The following NPC1 variants were observed in gnomAD, a reference collection of about 807,000 sequenced individuals.
NPC1 encodes NPC intracellular cholesterol transporter 1, also known as Niemann-Pick C1 protein.
A neutral mutation model predicts 140.4 loss-of-function variants in NPC1; 85 were observed. That is an observed-to-expected ratio of 0.61 (90% CI 0.51 to 0.72). The LOEUF (loss-of-function observed/expected upper bound fraction) is 0.72, where lower values mean the gene tolerates loss of function less well. Among genes scored for constraint, NPC1 ranks in the 30% least tolerant of loss-of-function variants. NPC1 has a pLI of 0.00. For synonymous variants in NPC1, 656 were observed against 624.8 expected (o/e 1.05, Z -0.74); for missense variants, 1,504 against 1,623.8 (o/e 0.93, Z 1.27).
At chr18:23,514,841 A>G (rs2057957507) in intron 3 of NPC1, among the ~76,000 whole-genome samples, 1 of 152,208 alleles carries the variant, frequency 6.6e-6, no homozygotes, top group Non-Finnish European at 1.5e-5. Context: ...TAAGAAGCTT[A>G]CGGCTCCTGC....
At position 23,536,782 on chromosome 18, in the gene NPC1, G is replaced by T. The variant is rs1446718670; in HGVS notation, c.3136C>A (p.Gln1046Lys). The T allele has an allele frequency of 6.2e-7, 1 of 1,614,196 alleles. No individual in the cohort carries two copies. Among genetic ancestry groups the T allele is most frequent in the Non-Finnish European group, 8.5e-7 (1 of 1,180,018 alleles). Residue 1046 changes from glutamine to lysine, a missense_variant, in exon 21 of 25, where the codon CAG becomes AAG. Physicochemically the swap from Gln to Lys is moderately conservative, Grantham distance 53. Coordinates refer to ENST00000269228, the MANE Select transcript of NPC1 (RefSeq NM_000271.5). The part of the protein sequence containing the change: ...TYFMTYHTVL[Q>K]TSADFIDALK... ...GCGTCAATAAAGTCAGCAGAGGTCT[G>T]CAGCACGGTGTGGTAGGTCATGAAG...
chr18:23,544,947 C>G lies in NPC1; in HGVS notation c.1947+13G>C, dbSNP rs568769965. ...TTAACCTCTAGAACATACACCACCC[C>G]CCCCCGGCTTACCAGAAGCCTGCGA... On this transcript the variant is annotated intron_variant, in intron 12 of 24. Transcript: ENST00000269228. 82 of 1,359,482 alleles carry G rather than the reference C, an allele frequency of 6.0e-5. 7 individuals carry two copies. The Admixed American group carries it at 7.3e-4, about 12-fold the overall frequency. 84.2% of individuals were successfully genotyped at this position (1,359,482 alleles called of 1,614,324 possible).
intron 16 of NPC1, 40 bp from the exon 17 acceptor site, chr18:23,540,577 T>A: frequency 7.4e-7 from 1 of 1,343,862 alleles, no homozygotes. Context: ...GACTGCTTAG[T>A]AAATAAGCTT....
In NPC1 at chr18:23,535,890, A is replaced by C. The variant is rs151243029; in HGVS notation, c.3246-190T>G. Among the ~76,000 whole-genome samples the C allele has an allele frequency of 0.012, 1,780 of 152,278 alleles. 38 individuals carry two copies. Among genetic ancestry groups the C allele is most frequent in the African/African-American group, 0.041 (1,700 of 41,566 alleles). ...CTCATGGCCACTGACCACCCAGAGA[A>C]GGGCCCAGCAGTGATGCAAAATGTA... On this transcript the variant is annotated intron_variant, in intron 21 of 24. Coordinates refer to ENST00000269228, the MANE Select transcript of NPC1 (RefSeq NM_000271.5).
chr18:23,550,002 T>C (rs2058845557), intron 10 of NPC1, among the ~76,000 whole-genome samples: 1 of 151,782 alleles, frequency 6.6e-6, no homozygotes, highest in Non-Finnish European at 1.5e-5. Context: ...CTGCCATGCA[T>C]ACTAATATTT....
At chr18:23,566,984 T>G (rs545697708) in intron 4 of NPC1, among the ~76,000 whole-genome samples, 1 of 152,354 alleles carries the variant, frequency 6.6e-6, no homozygotes, top group East Asian at 1.9e-4. Context: ...GGTTCATCCA[T>G]GTACTTTCAT....
At chr18:23,532,707 T>TAC (rs2058552949) in intron 24 of NPC1, among the ~76,000 whole-genome samples, 1 of 151,242 alleles carries the variant, frequency 6.6e-6, no homozygotes, top group African/African-American at 2.4e-5. Context: ...TTTTTTTTTT[T>TAC]TTTTTCTTAA....
In NPC1 at chr18:23,535,590, C is replaced by T. The variant is rs2058617380; in HGVS notation, c.3356G>A (p.Cys1119Tyr). The part of the protein sequence containing the change: ...IFLVTMVLLG[C>Y]ELWSAVIMCA... ...CATGATGACTGCAGACCAGAGCTCACAGCCCAGGAGGACCATGGTCACCAG... is the reference window on the plus strand; with the variant it reads ...CATGATGACTGCAGACCAGAGCTCATAGCCCAGGAGGACCATGGTCACCAG... Residue 1119 changes from cysteine to tyrosine, a missense_variant, in exon 22 of 25, where the codon TGT (cysteine) becomes TAT (tyrosine). Cys to Tyr is a radical substitution (Grantham distance 194). Transcript: ENST00000269228. 1.2e-6 allele frequency: 2 copies of T among 1,614,124 alleles called. No homozygotes were observed. The highest frequency in any genetic ancestry group is 1.1e-5 in the South Asian group (1 of 91,076).
chr18:23,527,669 G>A, downstream of NPC1: 4 of 654,948 alleles, frequency 6.1e-6, no homozygotes, highest in Non-Finnish European at 1.1e-5. Flanking sequence ...TTAAAGTAGA[G>A]TGTCCTTTAA....
chr18:23,555,072 G>T, intron 8 of NPC1, 88 bp from the exon 9 acceptor site: 1 of 847,654 alleles, frequency 1.2e-6, no homozygotes, highest in Non-Finnish European at 2.0e-6. Context: ...CTGAGGGTCA[G>T]AAGACAAAGA....
At chr18:23,568,277 C>T (rs1392616655) in intron 4 of NPC1, among the ~76,000 whole-genome samples, 1 of 151,998 alleles carries the variant, frequency 6.6e-6, no homozygotes, top group Non-Finnish European at 1.5e-5. Context: ...TTCCTAAGTG[C>T]CTTATTTTTT....
Position 23,532,058 on chromosome 18 carries a change from C to A in NPC1, c.*144G>T. On this transcript the variant is annotated 3_prime_UTR_variant, in exon 25 of 25. Coordinates refer to ENST00000269228, the MANE Select transcript of NPC1 (RefSeq NM_000271.5). ...AGTCAACTGTGCATTCCTGAGTTCA[C>A]AGGCGCTACGTTCAAAGCTGCTGCC... 1.3e-6 allele frequency: 2 copies of A among 1,594,314 alleles called. No individual in the cohort carries two copies. The highest frequency in any genetic ancestry group is 1.7e-6 in the Non-Finnish European group (2 of 1,171,532).
chr18:23,528,094 G>T (rs3765633), downstream of NPC1: 21 of 523,612 alleles, frequency 4.0e-5, no homozygotes, highest in East Asian at 7.0e-4. Context: ...TGCATCCCAC[G>T]AGCTGGCGGC....
chr18:23,517,032 AT>A (rs1050312999), intron 3 of NPC1, among the ~76,000 whole-genome samples: 4 of 151,936 alleles, frequency 2.6e-5, no homozygotes, highest in Non-Finnish European at 4.4e-5. Context: ...GGCCAAGTTT[AT>A]TTTTTTTAAA....
intron 21 of NPC1, among the ~76,000 whole-genome samples, chr18:23,536,345 C>T (rs556299613): frequency 6.6e-6 from 1 of 152,194 alleles, no homozygotes; most frequent in Admixed American, 6.5e-5. Context: ...CATTGTTGGC[C>T]AAGAATGTGG....
chr18:23,535,603 C>T lies in NPC1; in HGVS notation c.3343G>A (p.Val1115Ile), dbSNP rs34226296. Residue 1115 changes from valine to isoleucine, a missense_variant, in exon 22 of 25, where the codon GTC (valine) becomes ATC (isoleucine). Physicochemically the swap from Val to Ile is conservative, Grantham distance 29 (BLOSUM62 3). Transcript: ENST00000269228. ...GACCAGAGCTCACAGCCCAGGAGGA[C>T]CATGGTCACCAGAAATATCGCGCCC... The part of the protein sequence containing the change: ...SLGAIFLVTM[V>I]LLGCELWSAV... 6 of 1,613,974 alleles carry T rather than the reference C, an allele frequency of 3.7e-6. No homozygotes were observed. The highest frequency in any genetic ancestry group is 4.2e-6 in the Non-Finnish European group (5 of 1,180,008).
intron 4 of NPC1, 77 bp downstream of exon 4, chr18:23,568,746 A>C: frequency 8.5e-7 from 1 of 1,173,120 alleles, no homozygotes; most frequent in Non-Finnish European, 1.3e-6. Flanking sequence ...CAGAGTTGAC[A>C]GGACAACTAA....
Position 23,561,360 on chromosome 18 carries a change from C to A in NPC1, c.631G>T (p.Asp211Tyr), listed in dbSNP as rs367851289. The A allele has an allele frequency of 8.7e-6, 14 of 1,614,036 alleles. No individual in the cohort carries two copies. Among genetic ancestry groups the A allele is most frequent in the Non-Finnish European group, 1.1e-5 (13 of 1,180,010 alleles). ...APFTITPVFS[D>Y]FPVHGMEPMN... is the part of the protein sequence containing the mutation. ...CCAAACTTGGAATCTTTATACCTAC[C>A]TGAAAACACAGGAGTGATGGTAAAA... Residue 211 changes from aspartate (D) to tyrosine (Y), a missense_variant and splice_region_variant, in exon 5 of 25, where the codon GAT (aspartate) becomes TAT (tyrosine). Asp to Tyr is a radical substitution (Grantham distance 160). Transcript: ENST00000269228.
At chr18:23,546,152 G>A (rs900199587) in intron 11 of NPC1, among the ~76,000 whole-genome samples, 1 of 147,914 alleles carries the variant, frequency 6.8e-6, no homozygotes, top group African/African-American at 2.5e-5. Context: ...GGGAGGCTGA[G>A]GCACGAGAAT....
Sources: gnomAD v4.1 joint callset for allele counts (sites outside exome capture counted in the v4.1 genomes callset) on GRCh38, gnomAD v4.1.1 for gene constraint, MANE v1.5 for transcripts, NCBI Gene and HGNC (gene_info 2026-07-23, HGNC 2026-07-21) for gene names.